Variants in FBLN2 observed in about 807,000 individuals in gnomAD.
FBLN2 encodes the protein fibulin 2.
A neutral mutation model predicts 123.7 loss-of-function variants in FBLN2; 81 were observed. That is an observed-to-expected ratio of 0.65 (90% CI 0.55 to 0.79). The LOEUF (loss-of-function observed/expected upper bound fraction) is 0.79, where lower values mean the gene tolerates loss of function less well. Ranked by LOEUF, FBLN2 falls within the 30% of genes least tolerant of loss-of-function variation. FBLN2 has a pLI of 0.00. For missense variants in FBLN2, 1,603 were observed against 1,681.3 expected, an observed-to-expected ratio of 0.95 and a Z score of 0.81; for synonymous variants, 699 against 701.4, an observed-to-expected ratio of 1.00 and a Z score of 0.05.
At chr3:13,579,564 C>A (rs116444213) in intron 2 of FBLN2, among the ~76,000 whole-genome samples, 4 of 152,258 alleles carry the variant, frequency 2.6e-5, no homozygotes, top group African/African-American at 9.6e-5. Flanking sequence ...GCGTTCTGTT[C>A]TATGCCTTTT....
Position 13,627,917 on chromosome 3 carries a change from C to T in FBLN2, c.2517C>T (p.Ala839=), listed in dbSNP as rs921024305. The T allele has an allele frequency of 6.2e-7, 1 of 1,613,752 alleles. No individual in the cohort carries two copies. The highest frequency in any genetic ancestry group is 1.3e-5 in the African/African-American group (1 of 74,940). The change falls in exon 11 of 18, where the codon GCC becomes GCT. Residue 839 remains alanine, a synonymous_variant. Transcript: ENST00000404922. ...CCAAGGGCTCCTTCTACTGCCAGGC[C>T]AGGCAGCGCTGCATGGATGGCTTCC... ...QNTKGSFYCQ[A]RQRCMDGFLQ... is the part of the protein sequence containing the mutation.
At position 13,600,018 on chromosome 3, in the gene FBLN2, AGAGAGAGAGAGAGAGAGAGAGAGAGAGC is replaced by A. The variant is rs1270203890; in HGVS notation, c.1307-8028_1307-8001del. Among the ~76,000 whole-genome samples, 3 of 88,864 alleles carry A rather than the reference AGAGAGAGAGAGAGAGAGAGAGAGAGAGC, an allele frequency of 3.4e-5. 1 individual carries two copies. The highest frequency in any genetic ancestry group is 2.7e-4 in the African/African-American group (3 of 11,172). The allele number at this position is 88,864 out of a possible 152,430, so 58.3% of individuals were successfully genotyped here. A position where few individuals can be genotyped will look rare whatever the true frequency, so the allele number is the denominator to read the frequency against. On this transcript the variant is annotated intron_variant, in intron 2 of 17. Transcript: ENST00000404922. ...TGCTCAGGAAGTTAAAAAACACGAC[AGAGAGAGAGAGAGAGAGAGAGAGAGAGC>A]GAGAGAGAGAGAGAGCGATAGAGAG... is the stretch of plus-strand genomic sequence containing the variant.
At chr3:13,623,389 A>G (rs777276133) in intron 9 of FBLN2, among the ~76,000 whole-genome samples, 11 of 152,204 alleles carry the variant, frequency 7.2e-5, no homozygotes, top group Non-Finnish European at 1.5e-4. Context: ...TGAAAGAGCA[A>G]GGGCACATTC....
intron 6 of FBLN2, 76 bp from the exon 7 acceptor site, chr3:13,618,828 G>A (rs1199000074): frequency 1.0e-6 from 1 of 994,002 alleles, no homozygotes; most frequent in African/African-American, 1.6e-5. Flanking sequence ...AGAAGGGCAG[G>A]TGCCTGGAAG....
rs767696016 is a variant in FBLN2 at position 13,629,289 on chromosome 3, A to G, written c.2839A>G (p.Ile947Val). Residue 947 changes from isoleucine to valine, a missense_variant, in exon 13 of 18, where the codon ATC becomes GTC. Ile to Val is a conservative substitution (Grantham distance 29). Transcript: ENST00000404922. ...FQRDAFGRGC[I>V]DVNECWASPG... ...GCGGGATGCCTTTGGCCGGGGCTGC[A>G]TCGGTAGGTAGGCTGGTGGCCAGGA... is the stretch of plus-strand genomic sequence containing the variant. 1 of 1,606,934 alleles carries G rather than the reference A, an allele frequency of 6.2e-7. No homozygotes were observed. The highest frequency in any genetic ancestry group is 1.3e-5 in the African/African-American group (1 of 74,784).
chr3:13,626,513 T>C lies in FBLN2; in HGVS notation c.2365T>C (p.Ser789Pro). Residue 789 changes from serine to proline, a missense_variant, in exon 10 of 18, where the codon TCC (serine) becomes CCC (proline). Transcript: ENST00000404922. The part of the protein sequence containing the change: ...RGEHCVNTLG[S>P]FHCYKALTCE... The stretch of plus-strand genomic sequence containing the variant: ...CGAGCACTGTGTGAACACACTGGGC[T>C]CCTTCCACTGCTACAAGGCACTCAC... 2 of 1,565,488 alleles carry C rather than the reference T, an allele frequency of 1.3e-6. No individual in the cohort carries two copies. Among genetic ancestry groups the C allele is most frequent in the South Asian group, 1.2e-5 (1 of 85,006 alleles).
At chr3:13,594,633 C>T (rs919664314) in intron 2 of FBLN2, among the ~76,000 whole-genome samples, 4 of 152,174 alleles carry the variant, frequency 2.6e-5, no homozygotes, top group Non-Finnish European at 5.9e-5. Context: ...ATCCTGGCTC[C>T]GTGGGCTCTG....
intron 1 of FBLN2, among the ~76,000 whole-genome samples, chr3:13,551,329 G>T (rs928388061): frequency 2.0e-5 from 3 of 152,204 alleles, no homozygotes; most frequent in African/African-American, 7.2e-5. Flanking sequence ...GACACTTCCT[G>T]CTAGGCTGTG....
intron 1 of FBLN2, among the ~76,000 whole-genome samples, chr3:13,555,206 C>T (rs914165794): frequency 6.6e-6 from 1 of 152,068 alleles, no homozygotes; most frequent in Non-Finnish European, 1.5e-5. Context: ...CCTGTCTTGG[C>T]CTCCCAAAGT....
intron 2 of FBLN2, among the ~76,000 whole-genome samples, chr3:13,573,797 G>T (rs954310634): frequency 6.6e-6 from 1 of 151,946 alleles, no homozygotes; most frequent in African/African-American, 2.4e-5. Context: ...CAGCTACTTG[G>T]GCGGCTGAGG....
chr3:13,628,511 G>T (rs932740012), intron 11 of FBLN2, among the ~76,000 whole-genome samples: 1 of 152,152 alleles, frequency 6.6e-6, no homozygotes, highest in African/African-American at 2.4e-5. Flanking sequence ...GATTCTACCC[G>T]CTCTGCGCCC....
intron 15 of FBLN2, among the ~76,000 whole-genome samples, 167 bp from the exon 16 acceptor site, chr3:13,631,162 T>G (rs1222041483): frequency 1.3e-5 from 2 of 152,182 alleles, no homozygotes; most frequent in African/African-American, 2.4e-5. Context: ...GGAGTCCTGT[T>G]TTGCTTCGTG....
chr3:13,601,323 G>C (rs1006508925), intron 2 of FBLN2, among the ~76,000 whole-genome samples: 2 of 152,228 alleles, frequency 1.3e-5, no homozygotes, highest in Non-Finnish European at 2.9e-5. Context: ...GCAGAAGAGA[G>C]GATAAGCCGC....
intron 15 of FBLN2, among the ~76,000 whole-genome samples, 186 bp from the exon 16 acceptor site, chr3:13,631,143 A>G (rs1706240922): frequency 6.6e-6 from 1 of 152,160 alleles, no homozygotes; most frequent in South Asian, 2.1e-4. Flanking sequence ...GGGCATAAGC[A>G]CTGGAGTGGG....
At chr3:13,614,901 T>C (rs62232997) in intron 5 of FBLN2, among the ~76,000 whole-genome samples, 8,180 of 139,620 alleles carry the variant, frequency 0.059, 326 homozygotes, top group Non-Finnish European at 0.082. Flanking sequence ...TCTATTCATC[T>C]ATCCATCCAT....
intron 14 of FBLN2, 114 bp from the exon 15 acceptor site, chr3:13,630,585 T>A (rs1706222166): frequency 3.6e-6 from 3 of 835,200 alleles, no homozygotes; most frequent in Non-Finnish European, 5.7e-6. Flanking sequence ...CTCGCATAGG[T>A]CAACCCCAGT....
intron 4 of FBLN2, among the ~76,000 whole-genome samples, chr3:13,612,339 C>CTTTCTTTCTTTCTTTCTTTCTTTCTTTCT (rs1553620997): frequency 3.7e-5 from 1 of 27,248 alleles, no homozygotes; most frequent in African/African-American, 2.4e-4. Context: ...TTCTTTCTTT[C>CTTTCTTTCTTTCTTTCTTTCTTTCTTTCT]TTTTCTTTCT....
At chr3:13,585,871 G>A (rs1490181910) in intron 2 of FBLN2, among the ~76,000 whole-genome samples, 1 of 152,212 alleles carries the variant, frequency 6.6e-6, no homozygotes, top group South Asian at 2.1e-4. Context: ...ATGAATGTCT[G>A]TGTTACCAGT....
At chr3:13,565,551 A>G (rs981239293) in intron 1 of FBLN2, among the ~76,000 whole-genome samples, 2 of 152,226 alleles carry the variant, frequency 1.3e-5, no homozygotes, top group African/African-American at 4.8e-5. Context: ...GCTTGAGGCT[A>G]GGAGTTTGAG....
Sources: allele counts gnomAD v4.1 joint callset (sites outside exome capture counted in the v4.1 genomes callset), GRCh38; gene constraint gnomAD v4.1.1; transcripts MANE v1.5; gene names NCBI Gene and HGNC (gene_info 2026-07-23, HGNC 2026-07-21).